CELF4: variants seen among roughly 807,000 people sequenced by gnomAD.
CELF4 encodes the protein CUGBP Elav-like family member 4.
CELF4 carries 18 observed loss-of-function variants against 59.9 expected under a neutral mutation model. That is an observed-to-expected ratio of 0.30 (90% CI 0.21 to 0.45). The LOEUF (loss-of-function observed/expected upper bound fraction) is 0.45, where lower values mean the gene tolerates loss of function less well. Among genes scored for constraint, CELF4 ranks in the 20% least tolerant of loss-of-function variants. CELF4 has a pLI of 1.00. For missense variants in CELF4, 456 were observed against 689.0 expected, an observed-to-expected ratio of 0.66 and a Z score of 3.79; for synonymous variants, 261 against 267.1, an observed-to-expected ratio of 0.98 and a Z score of 0.22.
intron 2 of CELF4, among the ~76,000 whole-genome samples, chr18:37,431,008 G>A (rs991188723): frequency 2.6e-5 from 4 of 152,182 alleles, no homozygotes; most frequent in Non-Finnish European, 4.4e-5. Flanking sequence ...CTTAGGCCTG[G>A]CTGCTGGGTT....
intron 7 of CELF4, among the ~76,000 whole-genome samples, chr18:37,272,201 C>G (rs192110231): frequency 2.0e-5 from 3 of 152,290 alleles, no homozygotes; most frequent in East Asian, 1.9e-4. Context: ...ACTAGACTAG[C>G]GTTTCTCAAC....
intron 2 of CELF4, among the ~76,000 whole-genome samples, chr18:37,396,345 A>G (rs2154580090): frequency 6.6e-6 from 1 of 152,352 alleles, no homozygotes; most frequent in South Asian, 2.1e-4. Context: ...TGTTGCTGCA[A>G]GATGGGAGAT....
At chr18:37,428,348 A>G (rs2099627135) in intron 2 of CELF4, among the ~76,000 whole-genome samples, 1 of 151,772 alleles carries the variant, frequency 6.6e-6, no homozygotes, top group South Asian at 2.1e-4. Context: ...ACCGGCTGAC[A>G]TTTGGGTCAT....
chr18:37,426,113 C>T (rs546265491), intron 2 of CELF4, among the ~76,000 whole-genome samples: 39 of 152,354 alleles, frequency 2.6e-4, no homozygotes, highest in Admixed American at 2.6e-4. Context: ...CCCAGTAGCA[C>T]TGGACAGGTT....
At chr18:37,265,341 G>T (rs2077030388) in intron 9 of CELF4, among the ~76,000 whole-genome samples, 1 of 152,134 alleles carries the variant, frequency 6.6e-6, no homozygotes, top group East Asian at 1.9e-4. Flanking sequence ...TCAAATAGTG[G>T]ATGAACCACA....
intron 1 of CELF4, among the ~76,000 whole-genome samples, chr18:37,525,177 G>T (rs12607066): frequency 0.44 from 66,463 of 151,948 alleles, 15,620 homozygotes; most frequent in East Asian, 0.75. Context: ...TCTGAGGATG[G>T]CACTGCGCTG....
intron 1 of CELF4, among the ~76,000 whole-genome samples, chr18:37,522,361 C>T (rs2099958470): frequency 6.6e-6 from 1 of 152,114 alleles, no homozygotes; most frequent in Non-Finnish European, 1.5e-5. Context: ...GACCATGCAT[C>T]TCCCTGCGGC....
At chr18:37,315,619 C>G (rs2096840270) in intron 3 of CELF4, among the ~76,000 whole-genome samples, 1 of 152,184 alleles carries the variant, frequency 6.6e-6, no homozygotes, top group Admixed American at 6.5e-5. Context: ...ACAGTTTTCC[C>G]ATGGAGCACC....
chr18:37,314,510 G>T (rs142494098), intron 3 of CELF4, among the ~76,000 whole-genome samples: 262 of 152,262 alleles, frequency 1.7e-3, no homozygotes, highest in African/African-American at 6.1e-3. Context: ...AGATACACGG[G>T]CATGGGCTCC....
intron 2 of CELF4, among the ~76,000 whole-genome samples, chr18:37,372,225 C>T (rs2098901552): frequency 6.6e-6 from 1 of 152,190 alleles, no homozygotes; most frequent in African/African-American, 2.4e-5. Flanking sequence ...AGACTTGGAA[C>T]CAACCCAAAT....
At chr18:37,356,561 T>TCAGAGGC (rs2098584861) in intron 2 of CELF4, among the ~76,000 whole-genome samples, 1 of 151,772 alleles carries the variant, frequency 6.6e-6, no homozygotes, top group African/African-American at 2.4e-5. Context: ...AGGTCAGAGG[T>TCAGAGGC]GCAGAGAGTA....
At chr18:37,278,020 T>A (rs773659574) in intron 3 of CELF4, among the ~76,000 whole-genome samples, 4 of 152,232 alleles carry the variant, frequency 2.6e-5, no homozygotes, top group Non-Finnish European at 5.9e-5. Flanking sequence ...CTATGACAGC[T>A]TTCTGATTGC....
intron 1 of CELF4, among the ~76,000 whole-genome samples, chr18:37,488,318 C>G (rs1446408261): frequency 6.6e-6 from 1 of 152,118 alleles, no homozygotes; most frequent in Non-Finnish European, 1.5e-5. Context: ...GGCAGGCTCC[C>G]CATGCTCAGA....
chr18:37,268,073 T>C (rs942051580), intron 8 of CELF4, among the ~76,000 whole-genome samples: 12 of 152,010 alleles, frequency 7.9e-5, no homozygotes, highest in African/African-American at 2.9e-4. Context: ...GCCTGAGGGG[T>C]GCCCAGGGAA....
intron 2 of CELF4, among the ~76,000 whole-genome samples, chr18:37,428,269 G>A (rs1187964314): frequency 1.3e-5 from 2 of 152,206 alleles, no homozygotes; most frequent in Non-Finnish European, 2.9e-5. Flanking sequence ...GATTTGGCCA[G>A]TGGCTGAGTC....
chr18:37,300,027 C>T (rs191645814), intron 3 of CELF4, among the ~76,000 whole-genome samples: 5 of 152,286 alleles, frequency 3.3e-5, no homozygotes, highest in African/African-American at 1.2e-4. Context: ...CTTCCCTGGC[C>T]CATGAGGCAG....
At chr18:37,347,125 G>C (rs1250215940) in intron 2 of CELF4, among the ~76,000 whole-genome samples, 1 of 152,092 alleles carries the variant, frequency 6.6e-6, no homozygotes, top group African/African-American at 2.4e-5. Context: ...GCTCACAAGA[G>C]CGAAGTCTGA....
intron 1 of CELF4, among the ~76,000 whole-genome samples, chr18:37,552,393 C>A (rs2099983494): frequency 1.3e-5 from 2 of 152,188 alleles, no homozygotes; most frequent in Non-Finnish European, 2.9e-5. Flanking sequence ...CCTACCCACT[C>A]CCTGCTCTGC....
At chr18:37,494,325 G>C (rs1243127959) in intron 1 of CELF4, among the ~76,000 whole-genome samples, 1 of 152,208 alleles carries the variant, frequency 6.6e-6, no homozygotes, top group African/African-American at 2.4e-5. Context: ...CTCCATCTAT[G>C]GTCAGGGCTG....
Sources: allele counts gnomAD v4.1 joint callset (sites outside exome capture counted in the v4.1 genomes callset), GRCh38; gene constraint gnomAD v4.1.1; transcripts MANE v1.5; gene names NCBI Gene and HGNC (gene_info 2026-07-23, HGNC 2026-07-21).